Variants in CAPN2 observed in about 807,000 individuals in gnomAD.
CAPN2 encodes calpain 2, also known as calpain-2 catalytic subunit.
CAPN2 carries 92 observed loss-of-function variants against 102.3 expected under a neutral mutation model. The ratio of observed to expected loss-of-function variants is 0.90; its 90% CI spans 0.76 to 1.07. The LOEUF (loss-of-function observed/expected upper bound fraction) is 1.07, where lower values mean the gene tolerates loss of function less well. Among genes scored for constraint, CAPN2 ranks in the 50% least tolerant of loss-of-function variants. The probability of loss-of-function intolerance (pLI) is 0.00; values close to 1 mark genes in which losing one functional copy is unlikely to be tolerated. For missense variants in CAPN2, 800 were observed against 909.4 expected, an observed-to-expected ratio of 0.88 and a Z score of 1.55; for synonymous variants, 340 against 355.4, an observed-to-expected ratio of 0.96 and a Z score of 0.49.
Position 223,756,756 on chromosome 1 carries a change from A to T in CAPN2, c.1306-613A>T, listed in dbSNP as rs1238471177. Reference sequence around the variant, plus strand: ...GCCTAAACCCCTCCGTCTCTGAAACAGGAGCTGAGGACTTCGGATCTGGGA... The same window carrying T: ...GCCTAAACCCCTCCGTCTCTGAAACTGGAGCTGAGGACTTCGGATCTGGGA... On this transcript the variant is annotated intron_variant, in intron 10 of 20. Transcript: ENST00000295006. This position sits in a 1 kb window ranked among gnomAD's most constrained non-coding sequence, Gnocchi z 4.1. Among the ~76,000 whole-genome samples, 2 of 152,236 alleles carry T rather than the reference A, an allele frequency of 1.3e-5. No individual in the cohort carries two copies. Among genetic ancestry groups the T allele is most frequent in the African/African-American group, 4.8e-5 (2 of 41,470 alleles).
Position 223,749,025 on chromosome 1 carries a change from T to C in CAPN2, c.730-14T>C, listed in dbSNP as rs762376295. On this transcript the variant is annotated splice_polypyrimidine_tract_variant and intron_variant, in intron 5 of 20. Coordinates refer to ENST00000295006, the MANE Select transcript of CAPN2 (RefSeq NM_001748.5). ...GAGCGGGTGCGGCCAGTCTGACGGT[T>C]GCTGTGTTTGCAGATCACCAGCGCC... The C allele has an allele frequency of 5.6e-6, 9 of 1,612,148 alleles. No individual in the cohort carries two copies. The East Asian group carries it at 1.8e-4, about 32-fold the overall frequency.
At chr1:223,737,623 G>C (rs1320277290) in intron 2 of CAPN2, among the ~76,000 whole-genome samples, 1 of 143,844 alleles carries the variant, frequency 7.0e-6, no homozygotes, top group Non-Finnish European at 1.5e-5. Flanking sequence ...GAGCTTTACA[G>C]TGACTTAGGC....
chr1:223,744,480 G>C (rs1295611527), intron 3 of CAPN2, among the ~76,000 whole-genome samples: 2 of 150,390 alleles, frequency 1.3e-5, no homozygotes, highest in African/African-American at 2.5e-5. Context: ...TAATTCCCAA[G>C]TTTAAAAAAA....
intron 4 of CAPN2, 74 bp from the exon 5 acceptor site, chr1:223,746,922 TA>T (rs1194309717): frequency 3.7e-6 from 5 of 1,364,098 alleles, no homozygotes; most frequent in East Asian, 4.6e-5. Context: ...TAGACGGTAC[TA>T]GGGGGTGGCT....
chr1:223,766,333 A>C, intron 15 of CAPN2, 34 bp from the exon 16 acceptor site: 1 of 1,555,944 alleles, frequency 6.4e-7, no homozygotes, highest in Non-Finnish European at 8.9e-7. Context: ...CACCGCTCAG[A>C]GATTTTTCCT....
At chr1:223,739,210 G>T (rs1660544697) in intron 2 of CAPN2, among the ~76,000 whole-genome samples, 2 of 137,834 alleles carry the variant, frequency 1.5e-5, no homozygotes, top group African/African-American at 2.7e-5. Flanking sequence ...TTTAGACAGA[G>T]TCTCACTCTG....
chr1:223,717,931 C>G, intron 2 of CAPN2, 100 bp downstream of exon 2: 1 of 873,536 alleles, frequency 1.1e-6, no homozygotes, highest in South Asian at 1.4e-5. Context: ...TCCCAAGCAG[C>G]TTGGCAATTT....
In CAPN2 at chr1:223,754,478, A is replaced by G. The variant is rs1218858530; in HGVS notation, c.1136-1002A>G. On this transcript the variant is annotated intron_variant, in intron 9 of 20. Transcript: ENST00000295006. This position sits in a 1 kb window ranked among gnomAD's most constrained non-coding sequence, Gnocchi z 4.7. The stretch of plus-strand genomic sequence containing the variant: ...CTATTGCTATAACCCAAAGGCAGCC[A>G]TACTTAAGCGAATGGCCGTGGCTAC... 6.6e-6 allele frequency among the ~76,000 whole-genome samples: 1 copy of G among 152,250 alleles called. No homozygotes were observed. Among genetic ancestry groups the G allele is most frequent in the Non-Finnish European group, 1.5e-5 (1 of 68,038 alleles).
intron 1 of CAPN2, among the ~76,000 whole-genome samples, chr1:223,704,340 A>G (rs1659553880): frequency 6.6e-6 from 1 of 152,090 alleles, no homozygotes; most frequent in Non-Finnish European, 1.5e-5. Flanking sequence ...GTTCCATCCA[A>G]CCCTGAGATT....
intron 9 of CAPN2, among the ~76,000 whole-genome samples, 153 bp downstream of exon 9, chr1:223,753,109 C>T (rs544196137): frequency 1.3e-5 from 2 of 150,300 alleles, no homozygotes; most frequent in African/African-American, 5.0e-5. Context: ...TCTCCCTGAG[C>T]CTTTTCTTTT....
chr1:223,737,718 G>C (rs376602231), intron 2 of CAPN2, among the ~76,000 whole-genome samples: 8,137 of 77,408 alleles, frequency 0.11, 1,527 homozygotes, highest in East Asian at 0.25. Flanking sequence ...GGGGGGTGGG[G>C]GGGAGAGAAT....
At chr1:223,740,870 G>T (rs1660594072) in intron 2 of CAPN2, among the ~76,000 whole-genome samples, 1 of 152,160 alleles carries the variant, frequency 6.6e-6, no homozygotes, top group African/African-American at 2.4e-5. Context: ...AATTCAATTA[G>T]GTGAATTCGA....
Position 223,754,734 on chromosome 1 carries a change from C to T in CAPN2, c.1136-746C>T, listed in dbSNP as rs1660988628. On this transcript the variant is annotated intron_variant, in intron 9 of 20. Transcript: ENST00000295006. The surrounding 1 kb of genome is among the most constrained non-coding windows in gnomAD (Gnocchi z 4.7). ...ATCAGGAGCAGGGCAAGGGAATAGG[C>T]CTGAGAGGACAAGGGACGCAGAACA... 1.3e-5 allele frequency among the ~76,000 whole-genome samples: 2 copies of T among 152,168 alleles called. No homozygotes were observed. The highest frequency in any genetic ancestry group is 4.8e-5 in the African/African-American group (2 of 41,428).
intron 16 of CAPN2, among the ~76,000 whole-genome samples, chr1:223,768,010 G>A (rs1450666377): frequency 3.3e-5 from 5 of 149,826 alleles, no homozygotes; most frequent in African/African-American, 7.3e-5. Flanking sequence ...GTCTGTTCAT[G>A]TCCTTTGCCC....
intron 18 of CAPN2, chr1:223,771,575 C>G: frequency 2.1e-6 from 1 of 478,448 alleles, no homozygotes; most frequent in African/African-American, 2.0e-5. Context: ...GGCAAGAAAA[C>G]ACTTATGTGT....
At chr1:223,740,061 C>T (rs1166215825) in intron 2 of CAPN2, among the ~76,000 whole-genome samples, 1 of 152,112 alleles carries the variant, frequency 6.6e-6, no homozygotes, top group African/African-American at 2.4e-5. Context: ...TAGATTCTGA[C>T]CTTGATGGGG....
Position 223,750,760 on chromosome 1 carries a change from C to T in CAPN2, c.814-130C>T, listed in dbSNP as rs1476474328. ...GATCCTCCCTCATACATGGACTCAA[C>T]CCCCAAATCCTCCCCACCGTCCTCA... is the stretch of plus-strand genomic sequence containing the variant. On this transcript the variant is annotated intron_variant, in intron 6 of 20. Transcript: ENST00000295006. 10 of 791,584 alleles carry T rather than the reference C, an allele frequency of 1.3e-5. No individual in the cohort carries two copies. The African/African-American group carries it at 1.4e-4, about 11-fold the overall frequency. 49.0% of individuals were successfully genotyped at this position (791,584 alleles called of 1,614,324 possible). A position where few individuals can be genotyped will look rare whatever the true frequency, so the allele number is the denominator to read the frequency against.
upstream of CAPN2, among the ~76,000 whole-genome samples, chr1:223,711,085 C>T (rs1659717290): frequency 1.3e-5 from 2 of 152,178 alleles, no homozygotes; most frequent in Admixed American, 6.5e-5. Context: ...AGATGTTCAG[C>T]GGCATCCCTG....
intron 2 of CAPN2, among the ~76,000 whole-genome samples, chr1:223,740,700 A>G (rs1660591075): frequency 6.6e-6 from 1 of 152,238 alleles, no homozygotes; most frequent in Admixed American, 6.5e-5. Context: ...TTTCTTTATC[A>G]TGGCTAGCAG....
Sources: gnomAD v4.1 joint callset for allele counts (sites outside exome capture counted in the v4.1 genomes callset) on GRCh38, gnomAD v4.1.1 for gene constraint, Gnocchi (gnomAD v3.1) non-coding constraint, MANE v1.5 for transcripts, NCBI Gene and HGNC (gene_info 2026-07-23, HGNC 2026-07-21) for gene names.